FLT4: variants seen among roughly 807,000 people sequenced by gnomAD.
The protein encoded by FLT4 is fms related receptor tyrosine kinase 4, also known as vascular endothelial growth factor receptor 3.
A neutral mutation model predicts 163.2 loss-of-function variants in FLT4; 30 were observed. The observed-to-expected ratio is 0.18, with a 90% confidence interval of 0.14 to 0.25. The LOEUF is 0.25. Among genes scored for constraint, FLT4 ranks in the 10% least tolerant of loss-of-function variants. The pLI is 1.00. For synonymous variants in FLT4, 884 were observed against 789.5 expected, an observed-to-expected ratio of 1.12 and a Z score of -2.01; for missense variants, 1,510 against 1,863.8, an observed-to-expected ratio of 0.81 and a Z score of 3.50.
chr5:180,637,569 G>A (rs1013225144), intron 1 of FLT4, among the ~76,000 whole-genome samples: 8 of 152,044 alleles, frequency 5.3e-5, no homozygotes, highest in South Asian at 2.1e-4. Context: ...AGTTTAGCTC[G>A]TCGCCCAGGC....
intron 8 of FLT4, among the ~76,000 whole-genome samples, chr5:180,628,422 C>T (rs899916957): frequency 6.6e-6 from 1 of 152,220 alleles, no homozygotes. Context: ...CGCTCGCTGC[C>T]GTGCAGCACA....
Position 180,630,024 on chromosome 5 carries a change from G to A in FLT4, c.595C>T (p.His199Tyr), listed in dbSNP as rs998524581. 3 of 1,612,704 alleles carry A rather than the reference G, an allele frequency of 1.9e-6. No individual in the cohort carries two copies. The highest frequency in any genetic ancestry group is 1.3e-5 in the African/African-American group (1 of 74,926). Residue 199 changes from histidine to tyrosine, a missense_variant, in exon 5 of 30, where the codon CAC becomes TAC. Around this residue, in one of 5 missense-constraint regions of FLT4, gnomAD observed 163 missense variants for 281.1 expected, o/e 0.58. Transcript: ENST00000261937. The surrounding 1 kb of genome is among the most constrained non-coding windows in gnomAD (Gnocchi z 6.3). Reference protein sequence around the residue: ...RGMLVSTPLLHDALYLQCETT... With the variant: ...RGMLVSTPLLYDALYLQCETT... ...TCGCACTGCAGGTACAGGGCATCGT[G>A]CAGCAGTGGCGTGGACACGAGCATG...
intron 22 of FLT4, 77 bp downstream of exon 22, chr5:180,616,823 G>T: frequency 9.0e-7 from 1 of 1,114,256 alleles, no homozygotes; most frequent in Non-Finnish European, 1.4e-6. Context: ...GCAGGGTGAG[G>T]CCAGTACCAA....
At chr5:180,609,413 C>G in intron 28 of FLT4, 1 of 426,532 alleles carries the variant, frequency 2.3e-6, no homozygotes, top group Non-Finnish European at 4.4e-6. Context: ...CCATGTGAGG[C>G]TGCCTCCCGG....
At position 180,620,687 on chromosome 5, in the gene FLT4, G is replaced by T. The variant is rs139263798; in HGVS notation, c.2328C>A (p.Ile776=). ...TGACGCCGGTACCGACAAGGATCAC[G>T]ATCTCCATGCTGCCCTTATCCTCGG... ...EGSEDKGSME[I]VILVGTGVIA... The change falls in exon 16 of 30, where the codon ATC becomes ATA. Residue 776 remains isoleucine, a synonymous_variant. Coordinates refer to ENST00000261937, the MANE Select transcript of FLT4 (RefSeq NM_182925.5). The surrounding 1 kb of genome is among the most constrained non-coding windows in gnomAD (Gnocchi z 4.4). The T allele has an allele frequency of 6.2e-7, 1 of 1,613,584 alleles. No homozygotes were observed. Among genetic ancestry groups the T allele is most frequent in the Non-Finnish European group, 8.5e-7 (1 of 1,179,964 alleles).
intron 2 of FLT4, among the ~76,000 whole-genome samples, chr5:180,631,384 A>C (rs1764136372): frequency 6.6e-6 from 1 of 151,932 alleles, no homozygotes; most frequent in South Asian, 2.1e-4. Context: ...GAGGCAGGAG[A>C]ATGGCGTGAA....
At chr5:180,616,273 G>A (rs1168471586) in intron 23 of FLT4, 94 bp downstream of exon 23, 3 of 1,554,726 alleles carry the variant, frequency 1.9e-6, no homozygotes, top group Admixed American at 3.3e-5. Flanking sequence ...ACCTCACCCT[G>A]TGCCAGCCCT....
At position 180,630,839 on chromosome 5, in the gene FLT4, G is replaced by A; in HGVS notation, c.156-40C>T. 6.4e-7 allele frequency: 1 copy of A among 1,571,316 alleles called. No individual in the cohort carries two copies. Among genetic ancestry groups the A allele is most frequent in the African/African-American group, 1.3e-5 (1 of 74,418 alleles). On this transcript the variant is annotated intron_variant, in intron 2 of 29. Coordinates refer to ENST00000261937, the MANE Select transcript of FLT4 (RefSeq NM_182925.5). The surrounding 1 kb of genome is among the most constrained non-coding windows in gnomAD (Gnocchi z 6.3). The stretch of plus-strand genomic sequence containing the variant: ...GAGTGGTCAGGTGGGCCCCAGGGCA[G>A]CCCATGGGGACTGTCCCTGAGAAGC...
chr5:180,648,730 A>T (rs966967882), intron 1 of FLT4, among the ~76,000 whole-genome samples: 88 of 151,884 alleles, frequency 5.8e-4, no homozygotes, highest in African/African-American at 2.0e-3. Flanking sequence ...CCAGAGCCAC[A>T]TCCCAACACA....
At chr5:180,613,578 G>A in intron 24 of FLT4, 1 of 250,504 alleles carries the variant, frequency 4.0e-6, no homozygotes, top group Non-Finnish European at 7.8e-6. Context: ...GGCCCCTCTG[G>A]CTTACCCGAG....
Position 180,620,194 on chromosome 5 carries a change from G to C in FLT4, c.2521C>G (p.Pro841Ala). ...TCACCCAGGTGCAGCCGCTCTCGGG[G>C]GAATTCCCACTGGCTGGCATCGTAG... ...LSYDASQWEFPRERLHLGRVL... is the reference protein window; with the variant it reads ...LSYDASQWEFARERLHLGRVL... The change falls in exon 17 of 30, where the codon CCC becomes GCC. Residue 841 changes from proline to alanine, a missense_variant. Transcript: ENST00000261937. The surrounding 1 kb of genome is among the most constrained non-coding windows in gnomAD (Gnocchi z 4.4). 1 of 1,609,308 alleles carries C rather than the reference G, an allele frequency of 6.2e-7. No homozygotes were observed. The highest frequency in any genetic ancestry group is 8.5e-7 in the Non-Finnish European group (1 of 1,179,874).
intron 12 of FLT4, among the ~76,000 whole-genome samples, chr5:180,622,268 C>T (rs1235413942): frequency 8.0e-6 from 1 of 125,432 alleles, no homozygotes; most frequent in Non-Finnish European, 1.7e-5. Flanking sequence ...CTCCATCTCT[C>T]TGCTGGTGCC....
chr5:180,632,617 TGTGTGTG>T (rs1261605804), intron 1 of FLT4, among the ~76,000 whole-genome samples: 1 of 145,846 alleles, frequency 6.9e-6, no homozygotes. Context: ...TGTGTGTGTG[TGTGTGTG>T]TGTGTGTGTG....
chr5:180,645,136 G>C (rs957011332), intron 1 of FLT4, among the ~76,000 whole-genome samples: 1 of 152,246 alleles, frequency 6.6e-6, no homozygotes, highest in African/African-American at 2.4e-5. Context: ...GGTGAGTTGG[G>C]GGGGGCCCTG....
chr5:180,642,130 C>A lies in FLT4; in HGVS notation c.58+7358G>T, dbSNP rs536750047. 1.5e-3 allele frequency among the ~76,000 whole-genome samples: 228 copies of A among 151,738 alleles called. 2 individuals carry two copies. The highest frequency in any genetic ancestry group is 5.2e-3 in the African/African-American group (214 of 41,358). On this transcript the variant is annotated intron_variant, in intron 1 of 29. Coordinates refer to ENST00000261937, the MANE Select transcript of FLT4 (RefSeq NM_182925.5). Reference sequence around the variant, plus strand: ...GCTGAGGCAGGAGAATGGCGTGAACCTGAGAGGCAGAGCTTGCAGTGGGCC... The same window carrying A: ...GCTGAGGCAGGAGAATGGCGTGAACATGAGAGGCAGAGCTTGCAGTGGGCC...
chr5:180,615,193 C>CCA (rs1762553276), intron 23 of FLT4, among the ~76,000 whole-genome samples: 10 of 133,704 alleles, frequency 7.5e-5, no homozygotes, highest in African/African-American at 1.1e-4. Context: ...AGCACTGGGC[C>CCA]CCGCTGGTCA....
Position 180,620,192 on chromosome 5 carries a change from G to T in FLT4, c.2523C>A (p.Pro841=). The change falls in exon 17 of 30, where the codon CCC becomes CCA. Residue 841 remains proline (P), a synonymous_variant. Transcript: ENST00000261937. The surrounding 1 kb of genome is among the most constrained non-coding windows in gnomAD (Gnocchi z 4.4). ...CCTCACCCAGGTGCAGCCGCTCTCG[G>T]GGGAATTCCCACTGGCTGGCATCGT... ...LSYDASQWEF[P]RERLHLGRVL... The T allele has an allele frequency of 6.2e-7, 1 of 1,608,990 alleles. No individual in the cohort carries two copies.
chr5:180,606,292 C>A (rs10058772), intron 29 of FLT4, among the ~76,000 whole-genome samples: 1 of 151,790 alleles, frequency 6.6e-6, no homozygotes, highest in Non-Finnish European at 1.5e-5. Flanking sequence ...GCACTCCCTT[C>A]TGGCTCGCCG....
intron 27 of FLT4, 103 bp from the exon 28 acceptor site, chr5:180,610,128 C>T (rs903937918): frequency 1.3e-6 from 2 of 1,554,994 alleles, no homozygotes; most frequent in Middle Eastern, 1.7e-4. Context: ...AAAGGACCCC[C>T]CGCCTGGGGC....
Sources: allele counts gnomAD v4.1 joint callset (sites outside exome capture counted in the v4.1 genomes callset), GRCh38; gene constraint gnomAD v4.1.1; regional missense constraint gnomAD v4.1.1; non-coding constraint Gnocchi (gnomAD v3.1); transcripts MANE v1.5; gene names NCBI Gene and HGNC (gene_info 2026-07-23, HGNC 2026-07-21).